Variants in GYPE observed in about 807,000 individuals in gnomAD.
GYPE encodes the protein glycophorin E (MNS blood group).
Under a neutral mutation model 11.6 loss-of-function variants are expected in GYPE, and 8 were observed. That is an observed-to-expected ratio of 0.69 (90% confidence interval 0.41 to 1.25). The LOEUF (loss-of-function observed/expected upper bound fraction) is 1.25. Ranked by LOEUF, GYPE falls within the 50% of genes most tolerant of loss-of-function variation. The probability of loss-of-function intolerance (pLI) is 0.01; values close to 1 mark genes in which losing one functional copy is unlikely to be tolerated. For synonymous variants in GYPE, 28 were observed against 29.6 expected (o/e 0.94, Z 0.18); for missense variants, 90 against 92.8 (o/e 0.97, Z 0.12).
chr4:143,880,914 T>C (rs1196096643), intron 1 of GYPE, among the ~76,000 whole-genome samples: 1 of 125,032 alleles, frequency 8.0e-6, no homozygotes, highest in African/African-American at 2.5e-5. Context: ...ATGTTGGGTA[T>C]TATTGTTATT....
At chr4:143,889,405 C>A (rs577062040) in intron 1 of GYPE, among the ~76,000 whole-genome samples, 16 of 152,198 alleles carry the variant, frequency 1.1e-4, no homozygotes, top group African/African-American at 3.4e-4. Context: ...GAGCAGAGTT[C>A]TATTCCTGGC....
At chr4:143,903,467 A>G (rs1469265837) in intron 1 of GYPE, among the ~76,000 whole-genome samples, 1 of 123,552 alleles carries the variant, frequency 8.1e-6, no homozygotes, top group East Asian at 2.7e-4. Context: ...AATTAGAAAT[A>G]TTGGCTTTAT....
rs774175511 is a variant in GYPE, at chr4:143,876,809, C to T, written c.183G>A (p.Glu61=). 6.2e-6 allele frequency: 10 copies of T among 1,611,732 alleles called. No individual in the cohort carries two copies. The highest frequency in any genetic ancestry group is 8.5e-6 in the Non-Finnish European group (10 of 1,178,424). The change falls in exon 3 of 4, where the codon GAG becomes GAA. Residue 61 remains glutamate, a synonymous_variant. Transcript: ENST00000358615. ...TCATTCCAACAACAACAAGCATCACCTCAAAAATAACACGAGCCATCGCCC... is the reference window on the plus strand; with the variant it reads ...TCATTCCAACAACAACAAGCATCACTTCAAAAATAACACGAGCCATCGCCC... ...NWWAMARVIF[E]VMLVVVGMII...
intron 1 of GYPE, among the ~76,000 whole-genome samples, chr4:143,895,231 C>A (rs907797606): frequency 2.0e-5 from 3 of 152,090 alleles, no homozygotes; most frequent in Non-Finnish European, 4.4e-5. Context: ...TGTTCACAGA[C>A]GACATGATTG....
At position 143,871,991 on chromosome 4, in the gene GYPE, T is replaced by C. The variant is rs1332105928; in HGVS notation, c.*271A>G. The C allele has an allele frequency of 1.3e-5, 2 of 152,122 alleles. No homozygotes were observed. The highest frequency in any genetic ancestry group is 6.6e-5 in the Admixed American group (1 of 15,258). 9.4% of individuals were successfully genotyped at this position (152,122 alleles called of 1,614,324 possible). ...AGGGGACACCAAACACAATGAGGCA[T>C]GGGATAAGGATTTCGTGATGAGAAT... is the stretch of plus-strand genomic sequence containing the variant. On this transcript the variant is annotated 3_prime_UTR_variant, in exon 4 of 4. Coordinates refer to ENST00000358615, the MANE Select transcript of GYPE (RefSeq NM_198682.3).
intron 1 of GYPE, among the ~76,000 whole-genome samples, chr4:143,885,379 C>G (rs545378988): frequency 3.3e-5 from 5 of 152,200 alleles, no homozygotes; most frequent in East Asian, 1.9e-4. Context: ...TGAGCTTTAT[C>G]AAAACAATTT....
chr4:143,895,910 G>T (rs1034163076), intron 1 of GYPE, among the ~76,000 whole-genome samples: 2 of 151,908 alleles, frequency 1.3e-5, no homozygotes, highest in Admixed American at 6.6e-5. Context: ...ATGGGGAAAG[G>T]ATTCCCTATT....
intron 1 of GYPE, among the ~76,000 whole-genome samples, chr4:143,890,933 TGA>T (rs1190103406): frequency 1.3e-5 from 2 of 151,896 alleles, no homozygotes; most frequent in African/African-American, 2.4e-5. Flanking sequence ...GAAGTTGGCC[TGA>T]GTGTTTGGCC....
intron 3 of GYPE, among the ~76,000 whole-genome samples, chr4:143,872,605 T>C (rs1743654386): frequency 6.6e-6 from 1 of 152,074 alleles, no homozygotes; most frequent in African/African-American, 2.4e-5. Flanking sequence ...AAGACCTATT[T>C]CATTCAATGA....
intron 1 of GYPE, among the ~76,000 whole-genome samples, chr4:143,889,346 C>A (rs1482746399): frequency 2.0e-5 from 3 of 151,968 alleles, no homozygotes; most frequent in South Asian, 2.1e-4. Flanking sequence ...TCAGCCTGGA[C>A]AGATGGAAAT....
At chr4:143,886,434 A>G (rs1301758320) in intron 1 of GYPE, among the ~76,000 whole-genome samples, 2 of 119,916 alleles carry the variant, frequency 1.7e-5, no homozygotes, top group Non-Finnish European at 3.5e-5. Flanking sequence ...ATCCCTTAAA[A>G]TCACCAAGAA....
intron 1 of GYPE, among the ~76,000 whole-genome samples, chr4:143,881,233 T>C (rs1744011511): frequency 6.6e-6 from 1 of 151,736 alleles, no homozygotes; most frequent in Non-Finnish European, 1.5e-5. Context: ...AATCAGAATG[T>C]AGACTCATAT....
chr4:143,896,854 G>T (rs996482309), intron 1 of GYPE, among the ~76,000 whole-genome samples: 1 of 152,156 alleles, frequency 6.6e-6, no homozygotes, highest in Admixed American at 6.5e-5. Flanking sequence ...CATGTCCTTT[G>T]TAGGGACATG....
At chr4:143,890,457 CA>C (rs1180292870) in intron 1 of GYPE, among the ~76,000 whole-genome samples, 2 of 152,144 alleles carry the variant, frequency 1.3e-5, no homozygotes, top group African/African-American at 4.8e-5. Context: ...AACTTTATCC[CA>C]AAGTTCTCAC....
At chr4:143,872,914 T>C (rs923792700) in intron 3 of GYPE, among the ~76,000 whole-genome samples, 5 of 152,088 alleles carry the variant, frequency 3.3e-5, no homozygotes, top group African/African-American at 1.2e-4. Flanking sequence ...GCTGAGCATG[T>C]GGACAGGTCA....
At chr4:143,900,543 C>A in intron 1 of GYPE, among the ~76,000 whole-genome samples, 1 of 142,768 alleles carries the variant, frequency 7.0e-6, no homozygotes, top group East Asian at 2.0e-4. Context: ...AAATTTTAAT[C>A]AAATGATGGA....
At chr4:143,885,322 A>G (rs1342180139) in intron 1 of GYPE, among the ~76,000 whole-genome samples, 1 of 152,184 alleles carries the variant, frequency 6.6e-6, no homozygotes, top group Non-Finnish European at 1.5e-5. Flanking sequence ...ACTGTTTTAT[A>G]AAAATGAAAA....
intron 1 of GYPE, among the ~76,000 whole-genome samples, chr4:143,883,664 T>A (rs28883051): frequency 0.14 from 13,147 of 96,970 alleles, 5,302 homozygotes; most frequent in Middle Eastern, 0.24. Context: ...TAAATTAATT[T>A]ATAATTAATA....
chr4:143,875,467 G>T, intron 3 of GYPE: 2 of 1,551,036 alleles, frequency 1.3e-6, no homozygotes, highest in Non-Finnish European at 1.7e-6. Flanking sequence ...GGTGCAGCTG[G>T]TTCTAGGCAA....
Sources: gnomAD v4.1 joint callset for allele counts (sites outside exome capture counted in the v4.1 genomes callset) on GRCh38, gnomAD v4.1.1 for gene constraint, MANE v1.5 for transcripts, NCBI Gene and HGNC (gene_info 2026-07-23, HGNC 2026-07-21) for gene names.